The following SLC47A1 variants were observed in gnomAD, a reference collection of about 807,000 sequenced individuals.
SLC47A1 encodes the protein solute carrier family 47 member 1.
In SLC47A1, 58 loss-of-function variants were observed where a neutral mutation model predicts 65.8. The ratio of observed to expected loss-of-function variants is 0.88; its 90% CI spans 0.71 to 1.10. The LOEUF is 1.10. Ranked by LOEUF, SLC47A1 falls within the 50% of genes least tolerant of loss-of-function variation. SLC47A1 has a pLI of 0.00. For missense variants in SLC47A1, 706 were observed against 719.2 expected, an observed-to-expected ratio of 0.98 and a Z score of 0.21; for synonymous variants, 285 against 295.0, an observed-to-expected ratio of 0.97 and a Z score of 0.35.
intron 7 of SLC47A1, 94 bp from the exon 8 acceptor site, chr17:19,555,499 C>T (rs922800808): frequency 1.4e-5 from 20 of 1,393,676 alleles, no homozygotes; most frequent in Middle Eastern, 3.9e-4. Context: ...CTGCTGAGGA[C>T]AGCACGGGAA....
At chr17:19,568,988 T>C (rs1419553216) in intron 14 of SLC47A1, among the ~76,000 whole-genome samples, 1 of 151,958 alleles carries the variant, frequency 6.6e-6, no homozygotes, top group Non-Finnish European at 1.5e-5. Flanking sequence ...GCCTCCCAAG[T>C]ATCTGGGATT....
At chr17:19,566,013 C>T (rs2084354931) in intron 12 of SLC47A1, among the ~76,000 whole-genome samples, 1 of 152,210 alleles carries the variant, frequency 6.6e-6, no homozygotes, top group Non-Finnish European at 1.5e-5. Flanking sequence ...CCAACATCTC[C>T]ACGCTGTGTG....
rs1411287470 is a variant in SLC47A1, at chr17:19,577,565, A to G, written c.*12A>G. ...TCAGAATTCAGTGACGTGGTAGGAA[A>G]GAAAGTCAGGTCAAGTGATGCTTTT... On this transcript the variant is annotated 3_prime_UTR_variant, in exon 17 of 17. Transcript: ENST00000270570. The G allele has an allele frequency of 6.2e-7, 1 of 1,613,784 alleles. No homozygotes were observed. The highest frequency in any genetic ancestry group is 8.5e-7 in the Non-Finnish European group (1 of 1,179,786).
At chr17:19,545,855 A>T (rs1916276171) in intron 2 of SLC47A1, among the ~76,000 whole-genome samples, 1 of 152,018 alleles carries the variant, frequency 6.6e-6, no homozygotes, top group Admixed American at 6.6e-5. Context: ...AACAGTGGGG[A>T]TGTACATGGC....
chr17:19,577,906 T>C lies in SLC47A1; in HGVS notation c.*353T>C, dbSNP rs1463831540. The C allele has an allele frequency of 3.2e-6, 4 of 1,238,414 alleles. No individual in the cohort carries two copies. The highest frequency in any genetic ancestry group is 6.2e-5 in the Admixed American group (2 of 32,104). 76.7% of individuals were successfully genotyped at this position (1,238,414 alleles called of 1,614,324 possible). A position where few individuals can be genotyped will look rare whatever the true frequency, so the allele number is the denominator to read the frequency against. On this transcript the variant is annotated 3_prime_UTR_variant, in exon 17 of 17. Transcript: ENST00000270570. ...TTAAGAATTCATACTGCTTGAATTATGTAAAATATATTTTACAGTATATCT... is the reference window on the plus strand; with the variant it reads ...TTAAGAATTCATACTGCTTGAATTACGTAAAATATATTTTACAGTATATCT...
At chr17:19,537,150 C>T (rs929261327) in intron 1 of SLC47A1, among the ~76,000 whole-genome samples, 7 of 152,162 alleles carry the variant, frequency 4.6e-5, no homozygotes, top group African/African-American at 1.2e-4. Flanking sequence ...GGGCATTGCC[C>T]GGGATGTAAC....
chr17:19,566,983 G>A, intron 13 of SLC47A1, 113 bp from the exon 14 acceptor site: 11 of 1,593,196 alleles, frequency 6.9e-6, no homozygotes, highest in Middle Eastern at 1.7e-4. Flanking sequence ...TCGTTTAGAA[G>A]GATACTGTCA....
At position 19,577,335 on chromosome 17, in the gene SLC47A1, G is replaced by GA; in HGVS notation, c.1499dup (p.Asn500LysfsTer3). ...TTCCTTTTTCCTCCCAGGGTGCCCTGAAAACCTTGAAGGAATTTTAACGAA... is the reference window on the plus strand; with the variant it reads ...TTCCTTTTTCCTCCCAGGGTGCCCTGAAAAACCTTGAAGGAATTTTAACGAA... On this transcript the variant is annotated frameshift_variant, in exon 17 of 17. Transcript: ENST00000270570. LOFTEE classifies it low-confidence loss of function (END_TRUNC). 1 of 1,614,006 alleles carries GA rather than the reference G, an allele frequency of 6.2e-7. No homozygotes were observed. Among genetic ancestry groups the GA allele is most frequent in the East Asian group, 2.2e-5 (1 of 44,874 alleles).
In SLC47A1 at chr17:19,555,853, G is replaced by T. The variant is rs1038089699; in HGVS notation, c.797G>T (p.Ser266Ile). ...TCCTTCCTCCGCCTGGCCATCCCCA[G>T]CATGCTCATGCTGTGCATGGAGTGG... ...WASFLRLAIP[S>I]MLMLCMEWWA... Residue 266 changes from serine (S) to isoleucine (I), a missense_variant, in exon 9 of 17, where the codon AGC (serine) becomes ATC (isoleucine). Coordinates refer to ENST00000270570, the MANE Select transcript of SLC47A1 (RefSeq NM_018242.3). 6.2e-7 allele frequency: 1 copy of T among 1,613,670 alleles called. No individual in the cohort carries two copies. Among genetic ancestry groups the T allele is most frequent in the Non-Finnish European group, 8.5e-7 (1 of 1,180,034 alleles).
At chr17:19,551,558 G>C (rs1916448668) in intron 6 of SLC47A1, 90 bp downstream of exon 6, 2 of 1,200,472 alleles carry the variant, frequency 1.7e-6, no homozygotes, top group African/African-American at 3.0e-5. Context: ...CAGGACCAGG[G>C]ACCCCAGGGT....
chr17:19,534,158 G>T, intron 1 of SLC47A1, 84 bp downstream of exon 1: 1 of 1,400,564 alleles, frequency 7.1e-7, no homozygotes, highest in Non-Finnish European at 9.4e-7. Context: ...ACTTTGGCGG[G>T]CTTTGGGGAC....
chr17:19,546,535 C>T, intron 3 of SLC47A1, 32 bp downstream of exon 3: 1 of 1,603,054 alleles, frequency 6.2e-7, no homozygotes, highest in Non-Finnish European at 8.5e-7. Context: ...CTCACAGTGA[C>T]CTCAAACATC....
chr17:19,566,787 CA>C lies in SLC47A1; in HGVS notation c.1107-2del. 1 of 1,614,056 alleles carries C rather than the reference CA, an allele frequency of 6.2e-7. No homozygotes were observed. The highest frequency in any genetic ancestry group is 8.5e-7 in the Non-Finnish European group (1 of 1,179,948). On this transcript the variant is annotated splice_acceptor_variant, in intron 12 of 16. Coordinates refer to ENST00000270570, the MANE Select transcript of SLC47A1 (RefSeq NM_018242.3). LOFTEE classifies it high-confidence loss of function. Reference sequence around the variant, plus strand: ...ATCACCACGTGCTTTATTTTCCTAACAGAGACATCATTAATCTGGTGGCTCA... The same window carrying C: ...ATCACCACGTGCTTTATTTTCCTAACGAGACATCATTAATCTGGTGGCTCA...
At chr17:19,557,910 A>G (rs548631786) in intron 10 of SLC47A1, 2 of 196,666 alleles carry the variant, frequency 1.0e-5, no homozygotes, top group South Asian at 1.5e-4. Context: ...AAAAAAAAAA[A>G]AAAAGATTCA....
At chr17:19,547,930 C>G (rs1916338697) in intron 3 of SLC47A1, 55 bp from the exon 4 acceptor site, 1 of 1,502,774 alleles carries the variant, frequency 6.7e-7, no homozygotes, top group East Asian at 2.3e-5. Context: ...TTTTAGGGGA[C>G]AGCTGGTGTG....
chr17:19,573,676 C>T (rs945954612), intron 16 of SLC47A1, among the ~76,000 whole-genome samples: 2 of 152,064 alleles, frequency 1.3e-5, no homozygotes, highest in Non-Finnish European at 2.9e-5. Flanking sequence ...AGCCACCACA[C>T]CTGGCCTGGT....
Position 19,542,391 on chromosome 17 carries a change from A to G in SLC47A1, c.136-2A>G, listed in dbSNP as rs569046401. ...TCCCTTCCCGTTCCCCTCTCTTCCC[A>G]GTTCTTGGTTCAGCTGATGGTGTTC... On this transcript the variant is annotated splice_acceptor_variant, in intron 1 of 16. Coordinates refer to ENST00000270570, the MANE Select transcript of SLC47A1 (RefSeq NM_018242.3). LOFTEE classifies it high-confidence loss of function. 8 of 1,598,054 alleles carry G rather than the reference A, an allele frequency of 5.0e-6. No individual in the cohort carries two copies. In the African/African-American group the frequency reaches 1.1e-4, roughly 21 times the overall value.
intron 1 of SLC47A1, 124 bp downstream of exon 1, chr17:19,534,198 G>A: frequency 7.9e-7 from 1 of 1,273,418 alleles, no homozygotes; most frequent in Non-Finnish European, 1.0e-6. Flanking sequence ...CGGGCTCCGG[G>A]GAGCATCGTG....
chr17:19,576,969 A>C (rs2084445381), intron 16 of SLC47A1, among the ~76,000 whole-genome samples: 1 of 151,758 alleles, frequency 6.6e-6, no homozygotes, highest in South Asian at 2.1e-4. Context: ...CTGGTCTCTA[A>C]CTCCCAACCT....
Sources: gnomAD v4.1 joint callset for allele counts (sites outside exome capture counted in the v4.1 genomes callset) on GRCh38, gnomAD v4.1.1 for gene constraint, MANE v1.5 for transcripts, NCBI Gene and HGNC (gene_info 2026-07-23, HGNC 2026-07-21) for gene names.